Variants in KDM2A observed in about 807,000 individuals in gnomAD.
KDM2A encodes the protein lysine-specific demethylase 2A.
KDM2A carries 3 observed loss-of-function variants against 137.3 expected under a neutral mutation model. The ratio of observed to expected loss-of-function variants is 0.02; its 90% CI spans 0.01 to 0.06. KDM2A has a LOEUF of 0.06. KDM2A is among the 10% of genes least tolerant of loss of function. KDM2A has a pLI of 1.00. For missense variants in KDM2A, 738 were observed against 1,510.6 expected, an observed-to-expected ratio of 0.49 and a Z score of 8.48; for synonymous variants, 512 against 541.5, an observed-to-expected ratio of 0.95 and a Z score of 0.76.
intron 2 of KDM2A, among the ~76,000 whole-genome samples, chr11:67,179,609 T>C (rs1857044135): frequency 6.6e-6 from 1 of 152,234 alleles, no homozygotes; most frequent in Non-Finnish European, 1.5e-5. Flanking sequence ...TTAACTTTCT[T>C]CCTTTATCTG....
chr11:67,201,234 G>GTGTGTGTATA (rs555985556), intron 5 of KDM2A, among the ~76,000 whole-genome samples: 10 of 145,570 alleles, frequency 6.9e-5, no homozygotes, highest in South Asian at 2.1e-4. Flanking sequence ...GTGTGTGTGT[G>GTGTGTGTATA]TATATATATA....
chr11:67,192,295 C>A (rs1857374596), intron 5 of KDM2A, among the ~76,000 whole-genome samples: 1 of 152,246 alleles, frequency 6.6e-6, no homozygotes, highest in Admixed American at 6.5e-5. Flanking sequence ...CAAATGGCAT[C>A]ATAGTGTACA....
chr11:67,222,213 C>A (rs1858382836), intron 10 of KDM2A, among the ~76,000 whole-genome samples: 2 of 106,074 alleles, frequency 1.9e-5, no homozygotes, highest in African/African-American at 7.4e-5. Context: ...AGGCAGAGGA[C>A]CCTGCGGCCT....
chr11:67,234,546 G>T (rs1858811249), intron 12 of KDM2A, among the ~76,000 whole-genome samples: 1 of 152,184 alleles, frequency 6.6e-6, no homozygotes, highest in South Asian at 2.1e-4. Context: ...AGTTGGAAGA[G>T]GATTAAGTGA....
intron 11 of KDM2A, among the ~76,000 whole-genome samples, chr11:67,229,448 G>A (rs1157699027): frequency 6.6e-6 from 1 of 152,244 alleles, no homozygotes; most frequent in Non-Finnish European, 1.5e-5. Context: ...TGAAACTGGT[G>A]AGGACTCAAC....
In KDM2A at chr11:67,250,857, C is replaced by T. The variant is rs1034370948; in HGVS notation, c.2768+59C>T. ...GTATGGGAGTAGGTGGCAGGTTTTC[C>T]ATATGAGAACAGCATGCACCTTGGC... On this transcript the variant is annotated intron_variant, in intron 17 of 20. Coordinates refer to ENST00000529006, the MANE Select transcript of KDM2A (RefSeq NM_012308.3). The surrounding 1 kb of genome is among the most constrained non-coding windows in gnomAD (Gnocchi z 7.1). 7 of 1,255,644 alleles carry T rather than the reference C, an allele frequency of 5.6e-6. No homozygotes were observed. Among genetic ancestry groups the T allele is most frequent in the Non-Finnish European group, 7.8e-6 (7 of 897,926 alleles). The allele number at this position is 1,255,644 out of a possible 1,614,324, so 77.8% of individuals were successfully genotyped here.
At chr11:67,229,107 T>G in intron 11 of KDM2A, among the ~76,000 whole-genome samples, 1 of 152,232 alleles carries the variant, frequency 6.6e-6, no homozygotes. Flanking sequence ...ACCTGTTGTA[T>G]TCTAGGCACT....
At chr11:67,216,835 G>A (rs1409286701) in intron 8 of KDM2A, among the ~76,000 whole-genome samples, 6 of 152,076 alleles carry the variant, frequency 3.9e-5, no homozygotes, top group Admixed American at 6.6e-5. Flanking sequence ...CAGGAGAATC[G>A]CTTGAACCCA....
At position 67,250,338 on chromosome 11, in the gene KDM2A, C is replaced by T. The variant is rs769286153; in HGVS notation, c.2308C>T (p.Arg770Cys). The T allele has an allele frequency of 5.6e-6, 9 of 1,613,912 alleles. No homozygotes were observed. Among genetic ancestry groups the T allele is most frequent in the African/African-American group, 2.7e-5 (2 of 75,048 alleles). Residue 770 changes from arginine to cysteine, a missense_variant, in exon 17 of 21, where the codon CGC (arginine) becomes TGC (cysteine). Physicochemically the swap from Arg to Cys is radical, Grantham distance 180 (BLOSUM62 -3). Transcript: ENST00000529006. This position sits in a 1 kb window ranked among gnomAD's most constrained non-coding sequence, Gnocchi z 7.1. ...RQLLRLQATE[R>C]TMVREKENNP... Reference sequence around the variant, plus strand: ...GTTGCTGCGGCTGCAGGCCACAGAGCGCACCATGGTACGGGAAAAGGAGAA... The same window carrying T: ...GTTGCTGCGGCTGCAGGCCACAGAGTGCACCATGGTACGGGAAAAGGAGAA...
At chr11:67,199,206 C>T (rs571326316) in intron 5 of KDM2A, among the ~76,000 whole-genome samples, 1 of 152,156 alleles carries the variant, frequency 6.6e-6, no homozygotes, top group African/African-American at 2.4e-5. Flanking sequence ...TTCCCTTGTT[C>T]TCTTTCTCTC....
At chr11:67,199,519 G>T (rs1857565312) in intron 5 of KDM2A, among the ~76,000 whole-genome samples, 1 of 152,226 alleles carries the variant, frequency 6.6e-6, no homozygotes, top group African/African-American at 2.4e-5. Flanking sequence ...GAGAAAGTCT[G>T]AGTGGTTTGG....
chr11:67,133,988 G>A (rs1855916952), intron 2 of KDM2A, among the ~76,000 whole-genome samples: 6 of 152,154 alleles, frequency 3.9e-5, no homozygotes, highest in Admixed American at 3.3e-4. Context: ...CACCATGCCC[G>A]GCACCAACTG....
chr11:67,206,966 T>G (rs767100530), intron 5 of KDM2A, among the ~76,000 whole-genome samples: 1 of 152,222 alleles, frequency 6.6e-6, no homozygotes, highest in Non-Finnish European at 1.5e-5. Flanking sequence ...GATAATTATC[T>G]TCATGGGCTA....
chr11:67,183,696 C>T (rs922761037), intron 5 of KDM2A, among the ~76,000 whole-genome samples: 4 of 152,154 alleles, frequency 2.6e-5, no homozygotes, highest in Non-Finnish European at 5.9e-5. Flanking sequence ...TATGTTTCCC[C>T]GAAAAACTTG....
intron 9 of KDM2A, 94 bp downstream of exon 9, chr11:67,217,978 G>A (rs1858222099): frequency 8.2e-6 from 9 of 1,103,584 alleles, no homozygotes; most frequent in South Asian, 5.0e-5. Context: ...TATGATGCTG[G>A]GCGTCTGCAG....
At chr11:67,121,692 T>A (rs1003251212) in intron 2 of KDM2A, among the ~76,000 whole-genome samples, 3 of 152,236 alleles carry the variant, frequency 2.0e-5, no homozygotes, top group African/African-American at 7.2e-5. Flanking sequence ...TACGTTAGAT[T>A]AGAATATAAA....
Position 67,253,593 on chromosome 11 carries a change from C to T in KDM2A, c.3073C>T (p.Pro1025Ser), listed in dbSNP as rs990939096. 1.2e-6 allele frequency: 2 copies of T among 1,613,900 alleles called. No individual in the cohort carries two copies. Among genetic ancestry groups the T allele is most frequent in the East Asian group, 4.5e-5 (2 of 44,886 alleles). ...CCCTCAAATTCGGGACTTGCTTACT[C>T]CACCGGCTGATAAACCAGGTATGCT... ...KDPQIRDLLT[P>S]PADKPGQDNR... The change falls in exon 19 of 21, where the codon CCA becomes TCA. Residue 1025 changes from proline (P) to serine (S), a missense_variant. By Grantham distance (74) the Pro-to-Ser change is moderately conservative. Around this residue, in one of 9 missense-constraint regions of KDM2A, gnomAD observed 166 missense variants for 324.0 expected, o/e 0.51. Coordinates refer to ENST00000529006, the MANE Select transcript of KDM2A (RefSeq NM_012308.3).
intron 5 of KDM2A, among the ~76,000 whole-genome samples, chr11:67,188,606 C>T (rs1386753614): frequency 2.0e-5 from 3 of 151,502 alleles, no homozygotes; most frequent in Non-Finnish European, 1.5e-5. Flanking sequence ...CCCTGGGTAA[C>T]GTGGTGAGAC....
Position 67,181,721 on chromosome 11 carries a change from A to T in KDM2A, c.261-125A>T, listed in dbSNP as rs1590755095. On this transcript the variant is annotated intron_variant, in intron 4 of 20. Coordinates refer to ENST00000529006, the MANE Select transcript of KDM2A (RefSeq NM_012308.3). ...ATATATAATCACCTATATTTTTAAA[A>T]TAATTTCAAACCTGATTGTGAATAT... 4.1e-6 allele frequency: 3 copies of T among 739,700 alleles called. No homozygotes were observed. In the East Asian group the frequency reaches 8.1e-5, roughly 20 times the overall value. 45.8% of individuals were successfully genotyped at this position (739,700 alleles called of 1,614,324 possible). A position where few individuals can be genotyped will look rare whatever the true frequency, so the allele number is the denominator to read the frequency against.
Sources: allele counts gnomAD v4.1 joint callset (sites outside exome capture counted in the v4.1 genomes callset), GRCh38; gene constraint gnomAD v4.1.1; regional missense constraint gnomAD v4.1.1; non-coding constraint Gnocchi (gnomAD v3.1); transcripts MANE v1.5; gene names NCBI Gene and HGNC (gene_info 2026-07-23, HGNC 2026-07-21).